DMD: variants seen among roughly 807,000 people sequenced by gnomAD.
The protein encoded by DMD is mutant dystrophin.
Under a neutral mutation model 330.1 loss-of-function variants are expected in DMD, and 63 were observed. That is an observed-to-expected ratio of 0.19 (90% CI 0.16 to 0.24). The LOEUF (loss-of-function observed/expected upper bound fraction) is 0.24, where lower values mean the gene tolerates loss of function less well. Ranked by LOEUF, DMD falls within the 10% of genes least tolerant of loss-of-function variation. The pLI is 1.00. For missense variants in DMD, 3,344 were observed against 2,684.1 expected, an observed-to-expected ratio of 1.25 and a Z score of -5.43; for synonymous variants, 1,223 against 959.8, an observed-to-expected ratio of 1.27 and a Z score of -5.07.
At chrX:31,879,197 C>G in intron 47 of DMD, among the ~76,000 whole-genome samples, 1 of 47,762 alleles carries the variant, frequency 2.1e-5, no homozygotes, top group Admixed American at 3.0e-4. Flanking sequence ...ATGGACTCAC[C>G]ATTCTACATG....
intron 55 of DMD, among the ~76,000 whole-genome samples, chrX:31,553,213 T>C (rs1281377752): frequency 8.9e-6 from 1 of 112,058 alleles, no homozygotes; most frequent in African/African-American, 3.2e-5. Flanking sequence ...GGTCAACTTT[T>C]GAGAAGCACT....
chrX:32,695,809 C>G (rs2063611374), intron 9 of DMD, among the ~76,000 whole-genome samples: 1 of 111,207 alleles, frequency 9.0e-6, no homozygotes, highest in South Asian at 3.8e-4. Flanking sequence ...GATAAGAATG[C>G]CAAGATATTT....
chrX:32,179,157 A>G (rs190288128), intron 44 of DMD, among the ~76,000 whole-genome samples: 35 of 111,420 alleles, frequency 3.1e-4, no homozygotes, highest in Middle Eastern at 4.6e-3. Context: ...GCCAGGCGCT[A>G]CATCTACAGA....
chrX:32,527,528 CT>C (rs745555332), intron 17 of DMD, among the ~76,000 whole-genome samples: 1 of 109,778 alleles, frequency 9.1e-6, no homozygotes, highest in Non-Finnish European at 1.9e-5. Flanking sequence ...TACTCTTCCC[CT>C]TTCAACTTTC....
intron 9 of DMD, among the ~76,000 whole-genome samples, chrX:32,653,264 T>A (rs1005689994): frequency 1.8e-5 from 2 of 111,766 alleles, no homozygotes; most frequent in South Asian, 7.4e-4. Context: ...ATTGCCTAGG[T>A]TTTCTTCTAG....
chrX:31,723,452 C>T (rs2085737450), intron 52 of DMD, among the ~76,000 whole-genome samples: 1 of 111,147 alleles, frequency 9.0e-6, no homozygotes, highest in South Asian at 3.8e-4. Context: ...CAGGCCTTCT[C>T]TTAGATTGAC....
chrX:32,339,561 A>C (rs746875589), intron 41 of DMD, among the ~76,000 whole-genome samples: 4 of 111,415 alleles, frequency 3.6e-5, no homozygotes, highest in African/African-American at 1.3e-4. Flanking sequence ...GCGCTGCCTC[A>C]TGATTGTTCC....
chrX:32,026,071 G>T (rs752276283), intron 44 of DMD, among the ~76,000 whole-genome samples: 1 of 111,960 alleles, frequency 8.9e-6, no homozygotes, highest in African/African-American at 3.2e-5. Flanking sequence ...AGGCACATTT[G>T]TGGTCCAAAG....
intron 43 of DMD, among the ~76,000 whole-genome samples, chrX:32,272,850 A>G (rs1394353470): frequency 8.9e-6 from 1 of 112,030 alleles, no homozygotes; most frequent in African/African-American, 3.2e-5. Flanking sequence ...TTGTCATAAT[A>G]TCAGCTTTAA....
chrX:31,977,387 T>C lies in DMD; in HGVS notation c.6439-8873A>G, dbSNP rs6631449. ...ATCTCCTACCACAAATAACAAGTTA[T>C]TAAGGAAAGCTGTCGTTTCTCAGGC... On this transcript the variant is annotated intron_variant, in intron 44 of 78. Coordinates refer to ENST00000357033, the MANE Select transcript of DMD (RefSeq NM_004006.3). 9.6e-4 allele frequency among the ~76,000 whole-genome samples: 107 copies of C among 111,485 alleles called. No individual in the cohort carries two copies. The East Asian group carries it at 0.014, about 15-fold the overall frequency.
At chrX:32,252,725 A>T (rs868537625) in intron 43 of DMD, among the ~76,000 whole-genome samples, 3 of 36,422 alleles carry the variant, frequency 8.2e-5, no homozygotes, top group African/African-American at 1.4e-4. Flanking sequence ...AATATATATA[A>T]ATATATAAAT....
chrX:33,185,453 G>A (rs1353154452), intron 1 of DMD, among the ~76,000 whole-genome samples: 1 of 110,805 alleles, frequency 9.0e-6, no homozygotes, highest in Non-Finnish European at 1.9e-5. Flanking sequence ...ATTAAATGAG[G>A]CACAAATATT....
intron 54 of DMD, among the ~76,000 whole-genome samples, chrX:31,632,146 G>A (rs1302784206): frequency 9.0e-6 from 1 of 111,155 alleles, no homozygotes; most frequent in Admixed American, 9.6e-5. Flanking sequence ...ACACACCATG[G>A]TATTTCTGAA....
intron 52 of DMD, among the ~76,000 whole-genome samples, chrX:31,698,146 C>T (rs1016962264): frequency 3.6e-5 from 4 of 111,841 alleles, no homozygotes; most frequent in East Asian, 2.8e-4. Flanking sequence ...CCACAGAGTA[C>T]GCCAGAGTTC....
chrX:32,757,989 C>A (rs1033272520), intron 7 of DMD, among the ~76,000 whole-genome samples: 32 of 111,667 alleles, frequency 2.9e-4, no homozygotes, highest in African/African-American at 1.0e-3. Context: ...ATAAATTGTC[C>A]TTCAAAGGGA....
At chrX:33,063,514 T>C (rs1469212686) in intron 1 of DMD, among the ~76,000 whole-genome samples, 1 of 111,875 alleles carries the variant, frequency 8.9e-6, no homozygotes, top group Admixed American at 9.5e-5. Context: ...ATGAAAACAC[T>C]AACACCGTCA....
intron 53 of DMD, among the ~76,000 whole-genome samples, chrX:31,670,468 C>T (rs956282371): frequency 9.0e-6 from 1 of 111,615 alleles, no homozygotes; most frequent in Non-Finnish European, 1.9e-5. Flanking sequence ...CTTCTGTATT[C>T]GTTTCCTCGG....
chrX:33,140,873 T>TTAAG (rs2047760534), intron 1 of DMD, among the ~76,000 whole-genome samples: 1 of 111,804 alleles, frequency 8.9e-6, no homozygotes, highest in Non-Finnish European at 1.9e-5. Flanking sequence ...GGCATACAGA[T>TTAAG]TAAGTATATT....
chrX:32,070,698 T>C (rs1195042588), intron 44 of DMD, among the ~76,000 whole-genome samples: 2 of 111,335 alleles, frequency 1.8e-5, no homozygotes, highest in Non-Finnish European at 3.8e-5. Context: ...GAGACTATCA[T>C]TGTAAGTGAA....
Sources: gnomAD v4.1 joint callset for allele counts (sites outside exome capture counted in the v4.1 genomes callset) on GRCh38, gnomAD v4.1.1 for gene constraint, MANE v1.5 for transcripts, NCBI Gene and HGNC (gene_info 2026-07-23, HGNC 2026-07-21) for gene names.